INPP4B: variants seen among roughly 807,000 people sequenced by gnomAD.
INPP4B encodes the protein inositol polyphosphate-4-phosphatase type II B.
Under a neutral mutation model 122.5 loss-of-function variants are expected in INPP4B, and 55 were observed. The observed-to-expected ratio is 0.45, with a 90% CI of 0.36 to 0.56. The LOEUF (loss-of-function observed/expected upper bound fraction) is 0.56. INPP4B is among the 20% of genes least tolerant of loss of function. INPP4B has a pLI of 0.00. For missense variants in INPP4B, 1,000 were observed against 1,097.7 expected, an observed-to-expected ratio of 0.91 and a Z score of 1.26; for synonymous variants, 403 against 388.7, an observed-to-expected ratio of 1.04 and a Z score of -0.43.
intron 6 of INPP4B, among the ~76,000 whole-genome samples, chr4:142,404,742 G>A (rs1579969248): frequency 1.3e-5 from 2 of 151,934 alleles, no homozygotes; most frequent in South Asian, 4.2e-4. Flanking sequence ...AAAGAATACC[G>A]GGGGGAAAAA....
At chr4:142,113,484 T>C (rs1791305548) in intron 21 of INPP4B, among the ~76,000 whole-genome samples, 1 of 151,902 alleles carries the variant, frequency 6.6e-6, no homozygotes, top group Non-Finnish European at 1.5e-5. Flanking sequence ...ATAGGGCAAA[T>C]AGTGAGCCTC....
chr4:142,403,917 T>A (rs2149172272), intron 6 of INPP4B, among the ~76,000 whole-genome samples: 1 of 152,232 alleles, frequency 6.6e-6, no homozygotes, highest in Non-Finnish European at 1.5e-5. Flanking sequence ...TGTGCCAAAA[T>A]AAGACATTTC....
rs1301609463 is a variant in INPP4B, at chr4:142,643,474, G to A, written c.-191+82365C>T. Among the ~76,000 whole-genome samples the A allele has an allele frequency of 2.0e-5, 3 of 152,174 alleles. No individual in the cohort carries two copies. In the South Asian group the frequency reaches 6.2e-4, roughly 31 times the overall value. The stretch of plus-strand genomic sequence containing the variant: ...AGGAGGGGAGCAATTCAGTGGAGGT[G>A]AAAGCAAGCCTCTAATGCGCTGGCA... On this transcript the variant is annotated intron_variant, in intron 2 of 25. Transcript: ENST00000262992.
chr4:142,075,222 C>T (rs780637886), intron 25 of INPP4B, among the ~76,000 whole-genome samples: 7 of 151,976 alleles, frequency 4.6e-5, no homozygotes, highest in Admixed American at 2.0e-4. Flanking sequence ...ATGAAAATGA[C>T]GACCACATAT....
chr4:142,315,109 C>A (rs1405086729), intron 7 of INPP4B, among the ~76,000 whole-genome samples: 1 of 152,116 alleles, frequency 6.6e-6, no homozygotes, highest in Non-Finnish European at 1.5e-5. Context: ...CATGCATGCA[C>A]AATGAGTGTT....
intron 1 of INPP4B, among the ~76,000 whole-genome samples, chr4:142,797,118 G>A (rs2151080390): frequency 6.6e-6 from 1 of 152,038 alleles, no homozygotes; most frequent in South Asian, 2.1e-4. Flanking sequence ...AGCTTACTAT[G>A]TGCCATGCTC....
chr4:142,669,393 A>G (rs1419784542), intron 2 of INPP4B, among the ~76,000 whole-genome samples: 1 of 152,232 alleles, frequency 6.6e-6, no homozygotes, highest in Non-Finnish European at 1.5e-5. Flanking sequence ...TGAAGGCATC[A>G]TACTACCTGA....
chr4:142,549,319 C>G (rs1727416237), intron 2 of INPP4B, among the ~76,000 whole-genome samples: 1 of 152,000 alleles, frequency 6.6e-6, no homozygotes, highest in African/African-American at 2.4e-5. Flanking sequence ...TGGGGTAGTT[C>G]TGGAATGTGG....
At chr4:142,722,882 T>G (rs1764866981) in intron 2 of INPP4B, among the ~76,000 whole-genome samples, 1 of 152,152 alleles carries the variant, frequency 6.6e-6, no homozygotes. Flanking sequence ...TTAATCAACC[T>G]GCAAGTTATG....
At chr4:142,459,727 T>C (rs1816310305) in intron 3 of INPP4B, among the ~76,000 whole-genome samples, 1 of 152,168 alleles carries the variant, frequency 6.6e-6, no homozygotes, top group Non-Finnish European at 1.5e-5. Flanking sequence ...AACCAGAGAA[T>C]AGGACAATTT....
At chr4:142,420,365 C>T (rs1021937585) in intron 5 of INPP4B, among the ~76,000 whole-genome samples, 2 of 152,052 alleles carry the variant, frequency 1.3e-5, no homozygotes, top group Non-Finnish European at 2.9e-5. Flanking sequence ...ATATACTTCT[C>T]ATTTATTAAT....
intron 16 of INPP4B, among the ~76,000 whole-genome samples, chr4:142,161,601 A>G (rs1433812664): frequency 6.6e-6 from 1 of 151,878 alleles, no homozygotes; most frequent in Non-Finnish European, 1.5e-5. Flanking sequence ...TTCTTGGTGC[A>G]CTCTCAATAT....
At chr4:142,084,727 T>C (rs1239318476) in intron 24 of INPP4B, among the ~76,000 whole-genome samples, 1 of 152,192 alleles carries the variant, frequency 6.6e-6, no homozygotes, top group African/African-American at 2.4e-5. Context: ...GTGTGGGATT[T>C]ATAGGAAAAC....
intron 7 of INPP4B, among the ~76,000 whole-genome samples, chr4:142,319,786 C>T (rs181190330): frequency 6.2e-4 from 95 of 152,318 alleles, no homozygotes; most frequent in Admixed American, 2.0e-3. Context: ...TGCCAACCAT[C>T]ACTACTGTAG....
At chr4:142,839,452 AAT>A (rs1554018873) in intron 1 of INPP4B, among the ~76,000 whole-genome samples, 1 of 152,162 alleles carries the variant, frequency 6.6e-6, no homozygotes, top group African/African-American at 2.4e-5. Context: ...CAACAAAAAA[AAT>A]GACATAGGAC....
At chr4:142,783,776 C>T (rs1205556460) in intron 1 of INPP4B, among the ~76,000 whole-genome samples, 4 of 152,076 alleles carry the variant, frequency 2.6e-5, no homozygotes, top group Non-Finnish European at 5.9e-5. Flanking sequence ...CAATCCTTCC[C>T]ACCTCTTTCT....
intron 2 of INPP4B, among the ~76,000 whole-genome samples, chr4:142,594,721 C>T (rs528410079): frequency 5.3e-5 from 8 of 151,992 alleles, no homozygotes; most frequent in East Asian, 1.9e-4. Flanking sequence ...TTTGGGAGCC[C>T]GAGGCGGTTG....
chr4:142,638,701 A>G (rs1021265121), intron 2 of INPP4B, among the ~76,000 whole-genome samples: 1 of 151,946 alleles, frequency 6.6e-6, no homozygotes, highest in East Asian at 1.9e-4. Flanking sequence ...GCCCGCCACC[A>G]TGTCCGGCTA....
chr4:142,201,041 G>A (rs1423954580), intron 14 of INPP4B, among the ~76,000 whole-genome samples: 4 of 152,002 alleles, frequency 2.6e-5, no homozygotes, highest in Non-Finnish European at 5.9e-5. Context: ...GAATCTTTGT[G>A]TGCATATTTT....
Sources: gnomAD v4.1 joint callset for allele counts (sites outside exome capture counted in the v4.1 genomes callset) on GRCh38, gnomAD v4.1.1 for gene constraint, MANE v1.5 for transcripts, NCBI Gene and HGNC (gene_info 2026-07-23, HGNC 2026-07-21) for gene names.